TMEM39B: variants seen among roughly 807,000 people sequenced by gnomAD.
TMEM39B encodes transmembrane protein 39B.
TMEM39B carries 23 observed loss-of-function variants against 52.2 expected under a neutral mutation model. That is an observed-to-expected ratio of 0.44 (90% confidence interval 0.32 to 0.62). TMEM39B has a LOEUF of 0.62. Ranked by LOEUF, TMEM39B falls within the 20% of genes least tolerant of loss-of-function variation. TMEM39B has a pLI of 0.06. For missense variants in TMEM39B, 547 were observed against 642.0 expected, an observed-to-expected ratio of 0.85 and a Z score of 1.60; for synonymous variants, 285 against 264.0, an observed-to-expected ratio of 1.08 and a Z score of -0.77.
chr1:32,101,650 C>T (rs1195581800), intron 8 of TMEM39B, among the ~76,000 whole-genome samples: 1 of 152,122 alleles, frequency 6.6e-6, no homozygotes, highest in African/African-American at 2.4e-5. Context: ...ATCCAAGCCC[C>T]AGAGAGGAAA....
At chr1:32,078,859 T>C (rs1445205976) in intron 5 of TMEM39B, among the ~76,000 whole-genome samples, 1 of 152,118 alleles carries the variant, frequency 6.6e-6, no homozygotes, top group African/African-American at 2.4e-5. Flanking sequence ...CAGGCTGGTC[T>C]CGAACTCCTG....
At chr1:32,085,953 C>CT (rs1156484563) in intron 5 of TMEM39B, among the ~76,000 whole-genome samples, 2 of 151,932 alleles carry the variant, frequency 1.3e-5, no homozygotes, top group Non-Finnish European at 2.9e-5. Flanking sequence ...TGACTGGAAA[C>CT]TTTAAGTACA....
chr1:32,078,238 A>G (rs1639948306), intron 5 of TMEM39B, among the ~76,000 whole-genome samples: 1 of 152,170 alleles, frequency 6.6e-6, no homozygotes, highest in Non-Finnish European at 1.5e-5. Flanking sequence ...TAATCCCAGC[A>G]CTTTGGAGGC....
At chr1:32,081,182 GTTTT>G (rs1304347593) in intron 5 of TMEM39B, among the ~76,000 whole-genome samples, 5 of 150,722 alleles carry the variant, frequency 3.3e-5, no homozygotes, top group African/African-American at 7.3e-5. Context: ...TACTTTCTGG[GTTTT>G]TTTATTTGTT....
Position 32,079,423 on chromosome 1 carries a change from A to G in TMEM39B, c.590+2105A>G, listed in dbSNP as rs150912964. Among the ~76,000 whole-genome samples, 955 of 152,040 alleles carry G rather than the reference A, an allele frequency of 6.3e-3. 14 individuals carry two copies. The highest frequency in any genetic ancestry group is 0.022 in the African/African-American group (923 of 41,488). Reference sequence around the variant, plus strand: ...ATGGTCTCAATCTCCTGACCTCATGATCTGCCCGCCTCGGCCTCCCAAAGT... The same window carrying G: ...ATGGTCTCAATCTCCTGACCTCATGGTCTGCCCGCCTCGGCCTCCCAAAGT... On this transcript the variant is annotated intron_variant, in intron 5 of 8. Coordinates refer to ENST00000336294, the MANE Select transcript of TMEM39B (RefSeq NM_018056.4).
Position 32,072,983 on chromosome 1 carries a change from C to G in TMEM39B, c.-65C>G, listed in dbSNP as rs999203538. The G allele has an allele frequency of 4.6e-6, 7 of 1,528,958 alleles. No individual in the cohort carries two copies. Among genetic ancestry groups the G allele is most frequent in the Admixed American group, 2.0e-5 (1 of 48,954 alleles). The allele number at this position is 1,528,958 out of a possible 1,614,324, so 94.7% of individuals were successfully genotyped here. A position where few individuals can be genotyped will look rare whatever the true frequency, so the allele number is the denominator to read the frequency against. On this transcript the variant is annotated 5_prime_UTR_variant, in exon 1 of 9. Transcript: ENST00000336294. ...CGGCGGTTAGTCCTCTCCCGGCCGC[C>G]GTCGCCTCCGACATATTGCCCGCAG...
Position 32,075,753 on chromosome 1 carries a change from C to A in TMEM39B, c.282C>A (p.Val94=). 1 of 1,551,268 alleles carries A rather than the reference C, an allele frequency of 6.4e-7. No homozygotes were observed. The highest frequency in any genetic ancestry group is 8.7e-7 in the Non-Finnish European group (1 of 1,146,706). The part of the protein sequence containing the change: ...LFFCQLIALF[V]HYINIYKTVW... ...TCTGCCAGCTCATAGCACTCTTCGT[C>A]CACTACATCAACATCTACAAGACAG... is the stretch of plus-strand genomic sequence containing the variant. The change falls in exon 3 of 9, where the codon GTC becomes GTA. Residue 94 remains valine, a synonymous_variant. Coordinates refer to ENST00000336294, the MANE Select transcript of TMEM39B (RefSeq NM_018056.4).
chr1:32,085,835 C>T (rs751049461), intron 5 of TMEM39B, among the ~76,000 whole-genome samples: 12 of 151,930 alleles, frequency 7.9e-5, no homozygotes, highest in Middle Eastern at 3.4e-3. Context: ...GCTTGTTTTC[C>T]AAGTATAGTT....
At chr1:32,090,390 C>T (rs536950082) in intron 5 of TMEM39B, among the ~76,000 whole-genome samples, 1 of 152,114 alleles carries the variant, frequency 6.6e-6, no homozygotes, top group South Asian at 2.1e-4. Flanking sequence ...GAACCGCCCT[C>T]TGCAAACTAA....
chr1:32,094,532 C>G (rs1327425032), intron 6 of TMEM39B, among the ~76,000 whole-genome samples: 1 of 152,194 alleles, frequency 6.6e-6, no homozygotes, highest in Non-Finnish European at 1.5e-5. Context: ...GATTTGAATT[C>G]AGGTCTCTTG....
Position 32,075,792 on chromosome 1 carries a change from A to G in TMEM39B, c.321A>G (p.Pro107=), listed in dbSNP as rs772640346. 1.3e-6 allele frequency: 2 copies of G among 1,529,906 alleles called. No individual in the cohort carries two copies. Among genetic ancestry groups the G allele is most frequent in the South Asian group, 2.4e-5 (2 of 82,400 alleles). The allele number at this position is 1,529,906 out of a possible 1,614,324, so 94.8% of individuals were successfully genotyped here. Residue 107 remains proline (P), a synonymous_variant, in exon 3 of 9, where the codon CCA becomes CCG. Transcript: ENST00000336294. The stretch of plus-strand genomic sequence containing the variant: ...TCTACAAGACAGTGTGGTGGTATCC[A>G]CCTTCCCACCCACCCTCCCACACCT... ...INIYKTVWWY[P]PSHPPSHTSL... is the part of the protein sequence containing the mutation.
intron 5 of TMEM39B, among the ~76,000 whole-genome samples, chr1:32,078,827 G>A (rs1189759868): frequency 6.6e-6 from 1 of 152,008 alleles, no homozygotes; most frequent in Non-Finnish European, 1.5e-5. Context: ...TTTTAGTAGA[G>A]TTGGGGTTTC....
chr1:32,077,458 T>A, intron 5 of TMEM39B, 140 bp downstream of exon 5: 1 of 1,103,622 alleles, frequency 9.1e-7, no homozygotes, highest in Admixed American at 2.5e-5. Flanking sequence ...CAGATGACAC[T>A]CACTCACTGA....
chr1:32,075,184 G>A (rs2124422384), intron 2 of TMEM39B, 107 bp downstream of exon 2: 3 of 1,419,934 alleles, frequency 2.1e-6, no homozygotes, highest in Non-Finnish European at 2.8e-6. Flanking sequence ...TGCCAGTGGG[G>A]GCTTAGAGGG....
intron 1 of TMEM39B, chr1:32,073,320 A>AG (rs1363946889): frequency 6.0e-6 from 2 of 331,958 alleles, no homozygotes; most frequent in Non-Finnish European, 9.8e-6. Context: ...GGGGCTAGAA[A>AG]GGGGGGCGGG....
At chr1:32,082,364 T>C (rs907280716) in intron 5 of TMEM39B, among the ~76,000 whole-genome samples, 2 of 152,192 alleles carry the variant, frequency 1.3e-5, no homozygotes, top group Non-Finnish European at 2.9e-5. Flanking sequence ...TATGAAAATA[T>C]CATTCACTCC....
intron 6 of TMEM39B, among the ~76,000 whole-genome samples, chr1:32,093,181 C>G (rs1294861133): frequency 6.6e-6 from 1 of 151,926 alleles, no homozygotes; most frequent in Non-Finnish European, 1.5e-5. Context: ...TCACTGCATC[C>G]TCCACCTCCC....
chr1:32,078,171 A>T (rs969310534), intron 5 of TMEM39B, among the ~76,000 whole-genome samples: 1 of 152,152 alleles, frequency 6.6e-6, no homozygotes, highest in African/African-American at 2.4e-5. Flanking sequence ...TCCTTCAGTT[A>T]TATCTACTTT....
chr1:32,075,776 C>T lies in TMEM39B; in HGVS notation c.305C>T (p.Thr102Ile). ...LFVHYINIYK[T>I]VWWYPPSHPP... ...GTCCACTACATCAACATCTACAAGACAGTGTGGTGGTATCCACCTTCCCAC... is the reference window on the plus strand; with the variant it reads ...GTCCACTACATCAACATCTACAAGATAGTGTGGTGGTATCCACCTTCCCAC... The change falls in exon 3 of 9, where the codon ACA becomes ATA. Residue 102 changes from threonine to isoleucine, a missense_variant. Physicochemically the swap from Thr to Ile is moderately conservative, Grantham distance 89. Transcript: ENST00000336294. 1 of 1,545,814 alleles carries T rather than the reference C, an allele frequency of 6.5e-7. No individual in the cohort carries two copies. Among genetic ancestry groups the T allele is most frequent in the Non-Finnish European group, 8.8e-7 (1 of 1,142,476 alleles).
Sources: gnomAD v4.1 joint callset for allele counts (sites outside exome capture counted in the v4.1 genomes callset) on GRCh38, gnomAD v4.1.1 for gene constraint, MANE v1.5 for transcripts, NCBI Gene and HGNC (gene_info 2026-07-23, HGNC 2026-07-21) for gene names.